The following MOSPD1 variants were observed in gnomAD, a reference collection of about 807,000 sequenced individuals.
MOSPD1 encodes the protein motile sperm domain-containing protein 1.
MOSPD1 carries 5 observed loss-of-function variants against 16.7 expected under a neutral mutation model. The observed-to-expected ratio is 0.30, with a 90% confidence interval of 0.16 to 0.63. The LOEUF is 0.63. Among genes scored for constraint, MOSPD1 ranks in the 30% least tolerant of loss-of-function variants. The pLI, the probability that MOSPD1 is intolerant of heterozygous loss-of-function variation, is 0.82. For missense variants in MOSPD1, 104 were observed against 153.6 expected (o/e 0.68, Z 1.71); for synonymous variants, 67 against 59.2 (o/e 1.13, Z -0.61).
At chrX:134,909,330 G>T (rs2082959444) in intron 1 of MOSPD1, among the ~76,000 whole-genome samples, 1 of 111,875 alleles carries the variant, frequency 8.9e-6, no homozygotes, top group South Asian at 3.7e-4. Flanking sequence ...ATCGAAGTTT[G>T]AAAACAGTTA....
At chrX:134,902,385 C>T (rs998770498) in intron 1 of MOSPD1, among the ~76,000 whole-genome samples, 2 of 77,226 alleles carry the variant, frequency 2.6e-5, no homozygotes, top group South Asian at 5.0e-4. Flanking sequence ...AGCGAAATTC[C>T]GTCTCATAAA....
chrX:134,903,064 G>C (rs924431406), intron 1 of MOSPD1, among the ~76,000 whole-genome samples: 1 of 107,319 alleles, frequency 9.3e-6, no homozygotes, highest in Non-Finnish European at 1.9e-5. Flanking sequence ...GCATTAGGAA[G>C]AGAACATCCA....
intron 1 of MOSPD1, among the ~76,000 whole-genome samples, chrX:134,904,203 C>A (rs2082929548): frequency 8.9e-6 from 1 of 112,156 alleles, no homozygotes; most frequent in African/African-American, 3.2e-5. Flanking sequence ...GATGTTTAAC[C>A]TCACTCACAG....
At chrX:134,897,426 G>C (rs1269170107) in intron 3 of MOSPD1, among the ~76,000 whole-genome samples, 3 of 108,202 alleles carry the variant, frequency 2.8e-5, no homozygotes, top group Non-Finnish European at 5.7e-5. Flanking sequence ...TGGCTTGCTG[G>C]TGTGCGTGTA....
intron 1 of MOSPD1, among the ~76,000 whole-genome samples, chrX:134,914,252 C>G (rs1325456409): frequency 8.9e-6 from 1 of 112,139 alleles, no homozygotes; most frequent in Non-Finnish European, 1.9e-5. Context: ...TCTCGTTCCC[C>G]GACGTGAGAT....
At chrX:134,896,755 A>G in intron 4 of MOSPD1, 62 bp downstream of exon 4, 1 of 859,801 alleles carries the variant, frequency 1.2e-6, no homozygotes, top group Non-Finnish European at 1.7e-6. Flanking sequence ...TAGCTGCCTG[A>G]TTATTTTAAA....
chrX:134,914,904 G>A (rs2082990336), intron 1 of MOSPD1, among the ~76,000 whole-genome samples: 1 of 112,513 alleles, frequency 8.9e-6, no homozygotes, highest in Admixed American at 9.3e-5. Context: ...CCTTTGCCCG[G>A]GCAGGAGCGA....
At chrX:134,905,548 A>T (rs931736745) in intron 1 of MOSPD1, among the ~76,000 whole-genome samples, 20 of 88,874 alleles carry the variant, frequency 2.3e-4, no homozygotes, top group Non-Finnish European at 3.5e-4. Context: ...ATACTTATTT[A>T]AAAAAAACGA....
intron 1 of MOSPD1, among the ~76,000 whole-genome samples, chrX:134,905,660 ATC>A (rs1437507147): frequency 8.9e-6 from 1 of 112,045 alleles, no homozygotes; most frequent in African/African-American, 3.2e-5. Flanking sequence ...AATGTGAAAA[ATC>A]TCTGTTAACT....
chrX:134,893,894 T>C (rs1261684171), intron 4 of MOSPD1, among the ~76,000 whole-genome samples: 1 of 111,725 alleles, frequency 9.0e-6, no homozygotes, highest in Non-Finnish European at 1.9e-5. Context: ...ATTAAGACCA[T>C]AATTTTCTGA....
rs368413088 is a variant in MOSPD1 at position 134,913,142 on chromosome X, G to A, written c.-102+2040C>T. On this transcript the variant is annotated intron_variant, in intron 1 of 5. Transcript: ENST00000370783. ...TAATCATAGCACTTTGGGAGACCGAGGGGGGGCAGATCACTTGAGGTCAGG... is the reference window on the plus strand; with the variant it reads ...TAATCATAGCACTTTGGGAGACCGAAGGGGGGCAGATCACTTGAGGTCAGG... 2.6e-3 allele frequency among the ~76,000 whole-genome samples: 278 copies of A among 107,375 alleles called. 1 individual carries two copies. The highest frequency in any genetic ancestry group is 9.4e-3 in the African/African-American group (261 of 27,873). 93.2% of individuals were successfully genotyped at this position (107,375 alleles called of 115,157 possible).
chrX:134,893,731 G>C (rs1294827606), intron 4 of MOSPD1, among the ~76,000 whole-genome samples: 2 of 110,716 alleles, frequency 1.8e-5, no homozygotes, highest in East Asian at 5.6e-4. Flanking sequence ...TATATTTGAA[G>C]CTCTTTCTAT....
At chrX:134,890,795 C>T (rs745381087) in intron 5 of MOSPD1, among the ~76,000 whole-genome samples, 3 of 110,835 alleles carry the variant, frequency 2.7e-5, no homozygotes, top group African/African-American at 6.6e-5. Flanking sequence ...GCAACAAGAG[C>T]GAAATTCCGT....
chrX:134,910,980 C>G (rs1452133895), intron 1 of MOSPD1, among the ~76,000 whole-genome samples: 1 of 112,370 alleles, frequency 8.9e-6, no homozygotes, highest in Non-Finnish European at 1.9e-5. Flanking sequence ...CCGATCCACA[C>G]TAAACTTTGA....
At chrX:134,907,621 T>C (rs1371172515) in intron 1 of MOSPD1, among the ~76,000 whole-genome samples, 2 of 112,445 alleles carry the variant, frequency 1.8e-5, no homozygotes, top group Non-Finnish European at 3.8e-5. Context: ...TCTCAGCACT[T>C]TGAGAGGCCG....
chrX:134,910,353 C>T (rs2082964740), intron 1 of MOSPD1, among the ~76,000 whole-genome samples: 1 of 109,719 alleles, frequency 9.1e-6, no homozygotes, highest in Admixed American at 9.8e-5. Context: ...TGCAGTGAGC[C>T]AAGATCACAC....
intron 1 of MOSPD1, among the ~76,000 whole-genome samples, chrX:134,913,647 G>A (rs1173887341): frequency 9.0e-6 from 1 of 111,690 alleles, no homozygotes; most frequent in Non-Finnish European, 1.9e-5. Flanking sequence ...TTGTTCTATT[G>A]TCTATTTTTG....
At chrX:134,909,081 C>T (rs1164662100) in intron 1 of MOSPD1, among the ~76,000 whole-genome samples, 1 of 109,345 alleles carries the variant, frequency 9.1e-6, no homozygotes, top group African/African-American at 3.4e-5. Flanking sequence ...TCCTGGATAA[C>T]ACAGTGAAAT....
chrX:134,893,214 T>C (rs991034545), intron 4 of MOSPD1, among the ~76,000 whole-genome samples: 3 of 112,009 alleles, frequency 2.7e-5, no homozygotes, highest in Non-Finnish European at 3.8e-5. Flanking sequence ...AATTTTATAG[T>C]AATTATTGTT....
Sources: allele counts gnomAD v4.1 joint callset (sites outside exome capture counted in the v4.1 genomes callset), GRCh38; gene constraint gnomAD v4.1.1; transcripts MANE v1.5; gene names NCBI Gene and HGNC (gene_info 2026-07-23, HGNC 2026-07-21).